Variants in ARMC8 observed in about 807,000 individuals in gnomAD.
ARMC8 encodes armadillo repeat-containing protein 8.
A neutral mutation model predicts 99.3 loss-of-function variants in ARMC8; 20 were observed. The observed-to-expected ratio is 0.20, with a 90% CI of 0.14 to 0.29. The LOEUF (loss-of-function observed/expected upper bound fraction) is 0.29, where lower values mean the gene tolerates loss of function less well. Ranked by LOEUF, ARMC8 falls within the 10% of genes least tolerant of loss-of-function variation. The probability of loss-of-function intolerance (pLI) is 1.00; values close to 1 mark genes in which losing one functional copy is unlikely to be tolerated. For synonymous variants in ARMC8, 263 were observed against 278.3 expected, an observed-to-expected ratio of 0.95 and a Z score of 0.55; for missense variants, 569 against 809.5, an observed-to-expected ratio of 0.70 and a Z score of 3.60.
chr3:138,214,166 A>AG (rs1291563691), intron 2 of ARMC8, among the ~76,000 whole-genome samples: 39 of 152,078 alleles, frequency 2.6e-4, no homozygotes, highest in Admixed American at 1.5e-3. Context: ...GTTTAAAAAA[A>AG]AAAAAAAAGG....
At chr3:138,253,132 A>T (rs1169037414) in intron 12 of ARMC8, among the ~76,000 whole-genome samples, 1 of 152,202 alleles carries the variant, frequency 6.6e-6, no homozygotes, top group Non-Finnish European at 1.5e-5. Context: ...TCACTTATTA[A>T]GCAAATATAT....
rs2046292625 is a variant in ARMC8, at chr3:138,235,651, T to C, written c.609+537T>C. Reference sequence around the variant, plus strand: ...TTAAAACCTTCGCCATTCATTGTTGTCCATCTACAAGTTGTAGCAAATATT... The same window carrying C: ...TTAAAACCTTCGCCATTCATTGTTGCCCATCTACAAGTTGTAGCAAATATT... On this transcript the variant is annotated intron_variant, in intron 7 of 21. Transcript: ENST00000469044. 2.0e-5 allele frequency among the ~76,000 whole-genome samples: 3 copies of C among 152,344 alleles called. No homozygotes were observed. The South Asian group carries it at 6.2e-4, about 32-fold the overall frequency.
At chr3:138,287,218 G>C (rs143970458) in intron 19 of ARMC8, among the ~76,000 whole-genome samples, 1 of 152,324 alleles carries the variant, frequency 6.6e-6, no homozygotes, top group East Asian at 1.9e-4. Context: ...ATGAAATCCA[G>C]AGTCCTTACT....
chr3:138,274,427 T>G (rs767591358), intron 17 of ARMC8, 22 bp from the exon 18 acceptor site: 1 of 1,476,094 alleles, frequency 6.8e-7, no homozygotes, highest in Non-Finnish European at 9.4e-7. Flanking sequence ...TTGATAATTA[T>G]GGATTTCCCA....
intron 18 of ARMC8, among the ~76,000 whole-genome samples, chr3:138,279,918 T>C (rs140499530): frequency 1.8e-4 from 28 of 152,240 alleles, no homozygotes; most frequent in African/African-American, 6.0e-4. Context: ...CTTTTTTTTT[T>C]CTTGGAGACA....
intron 10 of ARMC8, 92 bp from the exon 11 acceptor site, chr3:138,241,691 T>C: frequency 9.4e-7 from 1 of 1,064,462 alleles, no homozygotes; most frequent in Non-Finnish European, 1.4e-6. Flanking sequence ...TAAACATTAC[T>C]CCTGATAAAA....
At chr3:138,223,141 T>C (rs1040526619) in intron 3 of ARMC8, among the ~76,000 whole-genome samples, 11 of 152,220 alleles carry the variant, frequency 7.2e-5, no homozygotes, top group Admixed American at 3.3e-4. Context: ...AGACTATCTG[T>C]GGACAACTTT....
chr3:138,293,657 C>A (rs985622585), intron 21 of ARMC8, among the ~76,000 whole-genome samples: 1 of 152,198 alleles, frequency 6.6e-6, no homozygotes, highest in African/African-American at 2.4e-5. Context: ...GAGCTTGTAC[C>A]TTGAGGACTG....
chr3:138,269,764 C>A (rs1440586965), intron 15 of ARMC8, among the ~76,000 whole-genome samples: 1 of 151,182 alleles, frequency 6.6e-6, no homozygotes, highest in African/African-American at 2.4e-5. Flanking sequence ...CTCCTGAATC[C>A]TCCAGGACTA....
intron 16 of ARMC8, among the ~76,000 whole-genome samples, chr3:138,272,494 G>A (rs1432810338): frequency 2.0e-5 from 3 of 152,098 alleles, no homozygotes; most frequent in Non-Finnish European, 4.4e-5. Flanking sequence ...TTCTCTTGAC[G>A]GACAGAAATA....
chr3:138,290,522 A>G (rs1577054197), intron 20 of ARMC8, 24 bp from the exon 21 acceptor site: 1 of 1,554,400 alleles, frequency 6.4e-7, no homozygotes, highest in African/African-American at 1.4e-5. Context: ...TCATGTTCCC[A>G]GTAACCTGGC....
intron 7 of ARMC8, 92 bp downstream of exon 7, chr3:138,235,206 G>T: frequency 2.3e-6 from 2 of 865,754 alleles, no homozygotes; most frequent in Non-Finnish European, 3.7e-6. Context: ...TTTGATAATT[G>T]TGATCAAAAG....
Position 138,223,547 on chromosome 3 carries a change from A to G in ARMC8, c.337+16A>G. ...TTATTGCAAGGTATGTAGGGAAGCCATTTTTGCTCAATTAAGGTTAAGAAT... is the reference window on the plus strand; with the variant it reads ...TTATTGCAAGGTATGTAGGGAAGCCGTTTTTGCTCAATTAAGGTTAAGAAT... On this transcript the variant is annotated intron_variant, in intron 4 of 21. Coordinates refer to ENST00000469044, the MANE Select transcript of ARMC8 (RefSeq NM_001363941.2). 1 of 1,614,122 alleles carries G rather than the reference A, an allele frequency of 6.2e-7. No individual in the cohort carries two copies.
chr3:138,262,239 T>G (rs2047815946), intron 12 of ARMC8: 1 of 258,222 alleles, frequency 3.9e-6, no homozygotes. Context: ...AAGGGAGGAA[T>G]TTAGGGGCTA....
At chr3:138,293,465 G>A (rs1380031620) in intron 21 of ARMC8, among the ~76,000 whole-genome samples, 15 of 152,236 alleles carry the variant, frequency 9.9e-5, no homozygotes, top group Non-Finnish European at 2.2e-4. Context: ...CTTGAACCCA[G>A]GAGGCAGAGA....
chr3:138,255,659 A>C (rs1227182106), intron 12 of ARMC8, among the ~76,000 whole-genome samples: 1 of 152,202 alleles, frequency 6.6e-6, no homozygotes, highest in Non-Finnish European at 1.5e-5. Flanking sequence ...CTGTTCTAAG[A>C]GAAACTGAAC....
At chr3:138,267,325 A>C in intron 15 of ARMC8, 84 bp downstream of exon 15, 1 of 799,746 alleles carries the variant, frequency 1.3e-6, no homozygotes. Flanking sequence ...TGACATTGAA[A>C]TCTGTGGGTT....
chr3:138,284,773 T>C (rs2050248997), intron 19 of ARMC8, among the ~76,000 whole-genome samples: 1 of 152,180 alleles, frequency 6.6e-6, no homozygotes, highest in East Asian at 1.9e-4. Flanking sequence ...ACTGGTTGCC[T>C]CCCTCTTACT....
chr3:138,264,068 C>G (rs1467438521), intron 13 of ARMC8, 63 bp from the exon 14 acceptor site: 1 of 1,455,120 alleles, frequency 6.9e-7, no homozygotes, highest in African/African-American at 1.4e-5. Flanking sequence ...AAATGCCAGC[C>G]AGTTTGTTTG....
Sources: gnomAD v4.1 joint callset for allele counts (sites outside exome capture counted in the v4.1 genomes callset) on GRCh38, gnomAD v4.1.1 for gene constraint, MANE v1.5 for transcripts, NCBI Gene and HGNC (gene_info 2026-07-23, HGNC 2026-07-21) for gene names.